NHSL1: variants seen among roughly 807,000 people sequenced by gnomAD.
NHSL1 encodes NHS-like protein 1.
NHSL1 carries 48 observed loss-of-function variants against 95.0 expected under a neutral mutation model. The observed-to-expected ratio is 0.51, with a 90% CI of 0.40 to 0.64. The LOEUF (loss-of-function observed/expected upper bound fraction) is 0.64. NHSL1 is among the 30% of genes least tolerant of loss of function. The pLI is 0.00. For synonymous variants in NHSL1, 783 were observed against 833.9 expected (o/e 0.94, Z 1.05); for missense variants, 1,971 against 2,077.7 (o/e 0.95, Z 1.00).
chr6:138,639,135 G>A (rs1248483795), intron 1 of NHSL1, among the ~76,000 whole-genome samples: 1 of 152,122 alleles, frequency 6.6e-6, no homozygotes, highest in Non-Finnish European at 1.5e-5. Flanking sequence ...TTGAAGGAAT[G>A]TATTATTTTT....
At chr6:138,678,203 T>C (rs932189870) in intron 1 of NHSL1, among the ~76,000 whole-genome samples, 1 of 152,056 alleles carries the variant, frequency 6.6e-6, no homozygotes, top group African/African-American at 2.4e-5. Context: ...TTTTTTCTCC[T>C]AACATATAAT....
chr6:138,530,846 T>C (rs1562352178), intron 1 of NHSL1, among the ~76,000 whole-genome samples: 3 of 152,142 alleles, frequency 2.0e-5, no homozygotes, highest in African/African-American at 4.8e-5. Context: ...AGACCACATG[T>C]TGGGTAGGGT....
At chr6:138,674,131 T>TA (rs1056201053) in intron 1 of NHSL1, among the ~76,000 whole-genome samples, 7 of 152,214 alleles carry the variant, frequency 4.6e-5, no homozygotes, top group African/African-American at 1.7e-4. Flanking sequence ...TAGAGCTAAG[T>TA]AAAAAAAGCA....
chr6:138,609,353 G>A (rs1487569567), intron 1 of NHSL1, among the ~76,000 whole-genome samples: 3 of 152,140 alleles, frequency 2.0e-5, no homozygotes, highest in East Asian at 1.9e-4. Flanking sequence ...GCAATGCACC[G>A]CTGGGGCTCA....
intron 1 of NHSL1, among the ~76,000 whole-genome samples, chr6:138,625,931 C>A (rs747757219): frequency 9.9e-5 from 15 of 152,220 alleles, no homozygotes; most frequent in African/African-American, 4.8e-5. Flanking sequence ...GTGTGACCCA[C>A]CACACCCAAC....
chr6:138,564,663 A>AAT (rs1554252419), intron 1 of NHSL1, among the ~76,000 whole-genome samples: 6 of 151,990 alleles, frequency 3.9e-5, no homozygotes, highest in African/African-American at 9.7e-5. Flanking sequence ...AAAAAAAAAA[A>AAT]AATAAGATTG....
intron 1 of NHSL1, among the ~76,000 whole-genome samples, chr6:138,522,910 G>A (rs1263171773): frequency 1.3e-5 from 2 of 152,166 alleles, no homozygotes; most frequent in African/African-American, 4.8e-5. Context: ...AACAAAACAA[G>A]ATTTAACAAT....
intron 1 of NHSL1, among the ~76,000 whole-genome samples, chr6:138,605,290 AT>A (rs1186412998): frequency 6.6e-6 from 1 of 152,184 alleles, no homozygotes; most frequent in Non-Finnish European, 1.5e-5. Context: ...CAGTGGTATT[AT>A]CACAGCTCAC....
At position 138,676,704 on chromosome 6, in the gene NHSL1, G is replaced by C. The variant is rs147444458; in HGVS notation, c.96+15772C>G. 2.8e-3 allele frequency among the ~76,000 whole-genome samples: 420 copies of C among 152,322 alleles called. 1 individual carries two copies. Among genetic ancestry groups the C allele is most frequent in the African/African-American group, 9.7e-3 (403 of 41,562 alleles). On this transcript the variant is annotated intron_variant, in intron 1 of 3. Coordinates refer to the NHSL1 transcript ENST00000491526. ...GAGTCTAGCTCTGTCACCCAGGCTA[G>C]AGTGCAGCAGCACAATCTCAGCTCA... is the stretch of plus-strand genomic sequence containing the variant.
chr6:138,515,292 G>A (rs969466075), intron 1 of NHSL1, among the ~76,000 whole-genome samples: 1 of 152,218 alleles, frequency 6.6e-6, no homozygotes, highest in Non-Finnish European at 1.5e-5. Context: ...AAGATTGGCA[G>A]GGAGCTTTTA....
intron 1 of NHSL1, among the ~76,000 whole-genome samples, chr6:138,580,902 A>G (rs1784043728): frequency 6.6e-6 from 1 of 152,242 alleles, no homozygotes; most frequent in African/African-American, 2.4e-5. Context: ...TATAAACGCA[A>G]TCACATGTGT....
intron 2 of NHSL1, among the ~76,000 whole-genome samples, chr6:138,490,649 T>G (rs1388612840): frequency 6.6e-6 from 1 of 152,142 alleles, no homozygotes; most frequent in East Asian, 1.9e-4. Context: ...TCTCCTTTTT[T>G]TTTTGAGACA....
chr6:138,516,652 T>C (rs1053942493), intron 1 of NHSL1, among the ~76,000 whole-genome samples: 4 of 152,160 alleles, frequency 2.6e-5, no homozygotes, highest in African/African-American at 9.7e-5. Context: ...TTTGTTTGTT[T>C]GAGACAAGGT....
intron 7 of NHSL1, among the ~76,000 whole-genome samples, chr6:138,428,847 A>G (rs2128192918): frequency 6.6e-6 from 1 of 152,346 alleles, no homozygotes; most frequent in South Asian, 2.1e-4. Flanking sequence ...CAGCATAAGG[A>G]CATTCATTAG....
chr6:138,670,336 G>GA (rs2114757918), intron 1 of NHSL1, among the ~76,000 whole-genome samples: 1 of 140,396 alleles, frequency 7.1e-6, no homozygotes, highest in Admixed American at 7.1e-5. Flanking sequence ...GATCTAAACA[G>GA]AAAAAAACAA....
chr6:138,439,126 T>A (rs560188165), intron 5 of NHSL1, among the ~76,000 whole-genome samples: 14 of 152,190 alleles, frequency 9.2e-5, no homozygotes, highest in Non-Finnish European at 2.1e-4. Context: ...ATTTGTGGAT[T>A]TTGAAATAAA....
intron 1 of NHSL1, among the ~76,000 whole-genome samples, chr6:138,514,694 G>A (rs1010233413): frequency 6.6e-6 from 1 of 152,182 alleles, no homozygotes; most frequent in Admixed American, 6.5e-5. Flanking sequence ...GAGGCAGGTG[G>A]ATGGCTTGAG....
At chr6:138,498,212 T>G (rs1780470405) in intron 1 of NHSL1, among the ~76,000 whole-genome samples, 1 of 152,174 alleles carries the variant, frequency 6.6e-6, no homozygotes, top group African/African-American at 2.4e-5. Flanking sequence ...TACTTCAGAG[T>G]TAGAAACTAT....
At chr6:138,426,684 C>T (rs918302918) in intron 7 of NHSL1, among the ~76,000 whole-genome samples, 4 of 152,066 alleles carry the variant, frequency 2.6e-5, no homozygotes, top group Non-Finnish European at 2.9e-5. Flanking sequence ...GTGTTCCTGG[C>T]GTCATCTCCA....
Sources: allele counts gnomAD v4.1 joint callset (sites outside exome capture counted in the v4.1 genomes callset), GRCh38; gene constraint gnomAD v4.1.1; transcripts MANE v1.5; gene names NCBI Gene and HGNC (gene_info 2026-07-23, HGNC 2026-07-21).